CNTNAP2: variants seen among roughly 807,000 people sequenced by gnomAD.
CNTNAP2 encodes the protein contactin associated protein 2.
Under a neutral mutation model 155.2 loss-of-function variants are expected in CNTNAP2, and 98 were observed. That is an observed-to-expected ratio of 0.63 (90% CI 0.54 to 0.75). CNTNAP2 has a LOEUF of 0.75. Ranked by LOEUF, CNTNAP2 falls within the 30% of genes least tolerant of loss-of-function variation. CNTNAP2 has a pLI of 0.00. For synonymous variants in CNTNAP2, 651 were observed against 631.2 expected (o/e 1.03, Z -0.47); for missense variants, 1,727 against 1,688.1 (o/e 1.02, Z -0.40).
intron 16 of CNTNAP2, among the ~76,000 whole-genome samples, chr7:148,128,987 T>A (rs1007338027): frequency 6.8e-6 from 1 of 146,280 alleles, no homozygotes; most frequent in East Asian, 1.9e-4. Flanking sequence ...CCAGGAAGGA[T>A]CTTCCATTTG....
intron 13 of CNTNAP2, among the ~76,000 whole-genome samples, chr7:147,677,975 G>T (rs1042738774): frequency 6.6e-6 from 1 of 151,424 alleles, no homozygotes; most frequent in African/African-American, 2.4e-5. Context: ...TGTTCTTTTT[G>T]CTCAATATCA....
intron 1 of CNTNAP2, among the ~76,000 whole-genome samples, chr7:146,382,308 G>A (rs1795401271): frequency 1.3e-5 from 2 of 152,274 alleles, no homozygotes; most frequent in Admixed American, 1.3e-4. Context: ...ATAGAAAAAG[G>A]AAGATGGTAA....
intron 13 of CNTNAP2, among the ~76,000 whole-genome samples, chr7:147,731,386 C>G (rs1387872170): frequency 2.0e-5 from 3 of 152,066 alleles, no homozygotes; most frequent in Non-Finnish European, 4.4e-5. Context: ...TCTACTATCT[C>G]TACTCTGCCT....
At chr7:147,069,990 G>T (rs1479340498) in intron 4 of CNTNAP2, among the ~76,000 whole-genome samples, 1 of 152,144 alleles carries the variant, frequency 6.6e-6, no homozygotes, top group Non-Finnish European at 1.5e-5. Flanking sequence ...GTCACAGCTG[G>T]ATTTCTACAG....
chr7:146,841,488 C>T (rs966409491), intron 3 of CNTNAP2, among the ~76,000 whole-genome samples: 14 of 152,158 alleles, frequency 9.2e-5, no homozygotes, highest in African/African-American at 3.1e-4. Context: ...CCAGAGCACT[C>T]ATTATTTTCT....
chr7:148,317,509 C>A (rs987001885), intron 21 of CNTNAP2, among the ~76,000 whole-genome samples: 1 of 151,904 alleles, frequency 6.6e-6, no homozygotes, highest in African/African-American at 2.4e-5. Context: ...TCAGCCTGGG[C>A]AGGACAGCAA....
rs1359589114 is a variant in CNTNAP2 at position 146,805,252 on chromosome 7, G to A, written c.208+30871G>A. Reference sequence around the variant, plus strand: ...CATACTGACAGTGCTTACATGGCCCGCATTCCTTGAATTCTGAACCCTCAA... The same window carrying A: ...CATACTGACAGTGCTTACATGGCCCACATTCCTTGAATTCTGAACCCTCAA... On this transcript the variant is annotated intron_variant, in intron 2 of 23. Coordinates refer to ENST00000361727, the MANE Select transcript of CNTNAP2 (RefSeq NM_014141.6). Among the ~76,000 whole-genome samples, 4 of 152,154 alleles carry A rather than the reference G, an allele frequency of 2.6e-5. No individual in the cohort carries two copies. The East Asian group carries it at 5.8e-4, about 22-fold the overall frequency.
At chr7:147,046,027 G>A (rs976017163) in intron 4 of CNTNAP2, among the ~76,000 whole-genome samples, 1 of 152,122 alleles carries the variant, frequency 6.6e-6, no homozygotes, top group Non-Finnish European at 1.5e-5. Context: ...TTTGTGAGAT[G>A]AAGTGGGACA....
intron 1 of CNTNAP2, among the ~76,000 whole-genome samples, chr7:146,325,688 G>C (rs561488426): frequency 6.6e-6 from 1 of 151,948 alleles, no homozygotes; most frequent in East Asian, 1.9e-4. Flanking sequence ...GCACATGACA[G>C]GTATTTAATG....
chr7:148,301,306 A>AAATATATATATATATATATATATAT, intron 21 of CNTNAP2, among the ~76,000 whole-genome samples: 1 of 103,868 alleles, frequency 9.6e-6, no homozygotes, highest in African/African-American at 3.8e-5. Context: ...AAAAAAAAAA[A>AAATATATATATATATATATATATAT]ATATATATAT....
intron 11 of CNTNAP2, among the ~76,000 whole-genome samples, chr7:147,528,025 C>T (rs1036899919): frequency 4.6e-5 from 7 of 152,154 alleles, no homozygotes; most frequent in African/African-American, 1.2e-4. Flanking sequence ...GATGCTGGGA[C>T]GTTATTCACT....
chr7:146,742,075 A>G (rs2129181102), intron 1 of CNTNAP2, among the ~76,000 whole-genome samples: 1 of 152,092 alleles, frequency 6.6e-6, no homozygotes, highest in African/African-American at 2.4e-5. Flanking sequence ...GTTAAAAAAA[A>G]AAAAAGAAAA....
chr7:146,996,974 C>G (rs766105952), intron 3 of CNTNAP2, among the ~76,000 whole-genome samples: 2 of 152,132 alleles, frequency 1.3e-5, no homozygotes, highest in African/African-American at 4.8e-5. Flanking sequence ...CTCATTCTCT[C>G]TCTTGCCTGC....
chr7:147,936,177 A>C (rs1182835313), intron 14 of CNTNAP2, among the ~76,000 whole-genome samples: 1 of 152,226 alleles, frequency 6.6e-6, no homozygotes, highest in Non-Finnish European at 1.5e-5. Context: ...CTTACATTAA[A>C]AGCAAGTCTT....
intron 3 of CNTNAP2, among the ~76,000 whole-genome samples, chr7:146,863,635 T>G (rs982140096): frequency 2.6e-5 from 4 of 152,120 alleles, no homozygotes; most frequent in Admixed American, 2.0e-4. Context: ...ATTAGTACTA[T>G]GCTATTTGCT....
At chr7:147,514,591 G>T (rs1376142184) in intron 11 of CNTNAP2, among the ~76,000 whole-genome samples, 1 of 149,848 alleles carries the variant, frequency 6.7e-6, no homozygotes, top group Admixed American at 6.7e-5. Flanking sequence ...GGTTAATTAG[G>T]TTAAGATTCT....
At chr7:146,143,884 T>G (rs886717840) in intron 1 of CNTNAP2, among the ~76,000 whole-genome samples, 21 of 152,114 alleles carry the variant, frequency 1.4e-4, no homozygotes, top group African/African-American at 4.8e-4. Context: ...TGCTTCAGTC[T>G]CCCATGTAGC....
chr7:148,164,044 C>T (rs1805602404), intron 17 of CNTNAP2, among the ~76,000 whole-genome samples: 1 of 152,184 alleles, frequency 6.6e-6, no homozygotes, highest in Non-Finnish European at 1.5e-5. Flanking sequence ...AAGTGATTCT[C>T]CTGCCACAGC....
intron 20 of CNTNAP2, among the ~76,000 whole-genome samples, 158 bp downstream of exon 20, chr7:148,229,937 T>C (rs1795929270): frequency 6.6e-6 from 1 of 152,216 alleles, no homozygotes; most frequent in Admixed American, 6.6e-5. Flanking sequence ...TAGAAATATA[T>C]ATAATTCTGA....
Sources: gnomAD v4.1 joint callset for allele counts (sites outside exome capture counted in the v4.1 genomes callset) on GRCh38, gnomAD v4.1.1 for gene constraint, MANE v1.5 for transcripts, NCBI Gene and HGNC (gene_info 2026-07-23, HGNC 2026-07-21) for gene names.